The following TASP1 variants were observed in gnomAD, a reference collection of about 807,000 sequenced individuals.
The protein encoded by TASP1 is threonine aspartase 1.
In TASP1, 16 loss-of-function variants were observed where a neutral mutation model predicts 56.6. That is an observed-to-expected ratio of 0.28 (90% confidence interval 0.19 to 0.43). The LOEUF is 0.43. TASP1 is among the 20% of genes least tolerant of loss of function. The pLI, the probability that TASP1 is intolerant of heterozygous loss-of-function variation, is 1.00. For missense variants in TASP1, 393 were observed against 511.6 expected (o/e 0.77, Z 2.24); for synonymous variants, 179 against 184.2 (o/e 0.97, Z 0.23).
chr20:13,522,890 G>A (rs968813989), intron 10 of TASP1, among the ~76,000 whole-genome samples: 2 of 152,120 alleles, frequency 1.3e-5, no homozygotes, highest in African/African-American at 4.8e-5. Flanking sequence ...GAGGTGGCAG[G>A]AAAAACAGGA....
At chr20:13,440,938 T>A (rs1427700382) in intron 11 of TASP1, among the ~76,000 whole-genome samples, 1 of 152,158 alleles carries the variant, frequency 6.6e-6, no homozygotes, top group African/African-American at 2.4e-5. Flanking sequence ...AAAATGCAAC[T>A]GTGTGCTGGA....
Position 13,629,944 on chromosome 20 carries a change from C to T in TASP1, c.135G>A (p.Leu45=). The T allele has an allele frequency of 6.2e-7, 1 of 1,613,380 alleles. No homozygotes were observed. Among genetic ancestry groups the T allele is most frequent in the East Asian group, 2.2e-5 (1 of 44,828 alleles). ...ATCCACAAAGCTTACCTGCATGCAC[C>T]AACACAAAGCCTCCTCGTTTCTCTT... ...SYKEKRGGFV[L]VHAGAGYHSE... The change falls in exon 2 of 14, where the codon TTG becomes TTA. Residue 45 remains leucine (L), a synonymous_variant. Transcript: ENST00000337743.
chr20:13,461,984 C>T (rs1397763524), intron 11 of TASP1, among the ~76,000 whole-genome samples: 1 of 152,066 alleles, frequency 6.6e-6, no homozygotes, highest in African/African-American at 2.4e-5. Flanking sequence ...TTCTCAGTGT[C>T]TCTGTAACTA....
intron 5 of TASP1, 79 bp downstream of exon 5, chr20:13,587,171 G>C (rs953437716): frequency 2.0e-6 from 3 of 1,475,006 alleles, no homozygotes; most frequent in Admixed American, 2.4e-5. Flanking sequence ...TGGTGAAAAA[G>C]ACTGTAATCA....
chr20:13,350,219 A>AG, the TASP1 span, among the ~76,000 whole-genome samples: 32,633 of 151,966 alleles, frequency 0.21, 4,334 homozygotes, highest in African/African-American at 0.38. Context: ...AAACTCCAAA[A>AG]ACTAATGAAA....
chr20:13,244,599 T>A, the TASP1 span, among the ~76,000 whole-genome samples: 1 of 152,352 alleles, frequency 6.6e-6, no homozygotes, highest in Admixed American at 6.5e-5. Flanking sequence ...GAAGGCTTAT[T>A]CCAGTTCACA....
intron 2 of TASP1, among the ~76,000 whole-genome samples, chr20:13,627,220 C>G (rs191500432): frequency 6.6e-6 from 1 of 152,100 alleles, no homozygotes; most frequent in South Asian, 2.1e-4. Flanking sequence ...AAAGTTTGGG[C>G]AAGTCTACTC....
At chr20:13,599,061 C>T (rs180806872) in intron 4 of TASP1, among the ~76,000 whole-genome samples, 10 of 152,258 alleles carry the variant, frequency 6.6e-5, no homozygotes, top group Admixed American at 3.3e-4. Context: ...GAAATAAGAA[C>T]GCTTTTACAC....
At chr20:13,614,443 A>G (rs1418220125) in intron 4 of TASP1, among the ~76,000 whole-genome samples, 2 of 152,184 alleles carry the variant, frequency 1.3e-5, no homozygotes, top group African/African-American at 4.8e-5. Flanking sequence ...ACCAATGTTA[A>G]TATTTGTTCA....
the TASP1 span, among the ~76,000 whole-genome samples, chr20:13,365,572 G>A: frequency 1.3e-5 from 2 of 152,212 alleles, no homozygotes; most frequent in African/African-American, 2.4e-5. Flanking sequence ...GACAGTCACA[G>A]GGAGTGACAG....
chr20:13,422,526 G>T (rs6033702), intron 12 of TASP1, among the ~76,000 whole-genome samples: 14,018 of 152,042 alleles, frequency 0.092, 1,227 homozygotes, highest in African/African-American at 0.23. Context: ...TGTATCATAT[G>T]GTTGATTCAT....
chr20:13,436,336 T>C (rs958346534), intron 11 of TASP1, among the ~76,000 whole-genome samples: 2 of 147,772 alleles, frequency 1.4e-5, no homozygotes, highest in African/African-American at 5.2e-5. Flanking sequence ...TTTTAGTTTT[T>C]AAAGGGTTGT....
the TASP1 span, among the ~76,000 whole-genome samples, chr20:13,291,819 A>G: frequency 1.3e-5 from 2 of 152,156 alleles, no homozygotes. Context: ...TCAAGGGAAA[A>G]CTACCACCTA....
intron 4 of TASP1, among the ~76,000 whole-genome samples, chr20:13,618,058 A>G (rs6134938): frequency 0.26 from 39,879 of 151,716 alleles, 6,622 homozygotes; most frequent in African/African-American, 0.47. Context: ...TCCGCTCACA[A>G]TGAACTACTC....
chr20:13,112,034 G>A, the TASP1 span, among the ~76,000 whole-genome samples: 14 of 152,206 alleles, frequency 9.2e-5, no homozygotes, highest in Admixed American at 9.2e-4. Context: ...CACAATTTTG[G>A]TTGCACTAGC....
At chr20:13,219,265 G>T in the TASP1 span, among the ~76,000 whole-genome samples, 1 of 152,138 alleles carries the variant, frequency 6.6e-6, no homozygotes, top group African/African-American at 2.4e-5. Flanking sequence ...CTTTGGCTGT[G>T]GGATTCTAGT....
the TASP1 span, among the ~76,000 whole-genome samples, chr20:13,194,307 T>C: frequency 6.6e-6 from 1 of 151,388 alleles, no homozygotes; most frequent in Non-Finnish European, 1.5e-5. Flanking sequence ...TTTAGGTGAA[T>C]ACATTGTGCA....
intron 11 of TASP1, among the ~76,000 whole-genome samples, chr20:13,460,266 C>G (rs895387331): frequency 2.6e-5 from 4 of 152,160 alleles, no homozygotes; most frequent in African/African-American, 9.6e-5. Flanking sequence ...CTAGCACTTA[C>G]TTCACTTGAC....
the TASP1 span, among the ~76,000 whole-genome samples, chr20:13,214,594 AAGAC>A: frequency 7.0e-5 from 10 of 142,306 alleles, no homozygotes; most frequent in Non-Finnish European, 1.1e-4. Context: ...GAGAGACAGA[AAGAC>A]AGAGACAGAG....
Sources: gnomAD v4.1 joint callset for allele counts (sites outside exome capture counted in the v4.1 genomes callset) on GRCh38, gnomAD v4.1.1 for gene constraint, MANE v1.5 for transcripts, NCBI Gene and HGNC (gene_info 2026-07-23, HGNC 2026-07-21) for gene names.